SLC7A1: variants seen among roughly 807,000 people sequenced by gnomAD.
The protein encoded by SLC7A1 is solute carrier family 7 member 1, also known as high affinity cationic amino acid transporter 1.
Under a neutral mutation model 53.9 loss-of-function variants are expected in SLC7A1, and 10 were observed. That is an observed-to-expected ratio of 0.19 (90% CI 0.11 to 0.31). The LOEUF (loss-of-function observed/expected upper bound fraction) is 0.31, where lower values mean the gene tolerates loss of function less well. Among genes scored for constraint, SLC7A1 ranks in the 10% least tolerant of loss-of-function variants. The pLI is 1.00. For missense variants in SLC7A1, 525 were observed against 827.2 expected, an observed-to-expected ratio of 0.63 and a Z score of 4.48; for synonymous variants, 342 against 338.7, an observed-to-expected ratio of 1.01 and a Z score of -0.11.
At chr13:29,569,357 C>A (rs1000965006) in intron 1 of SLC7A1, among the ~76,000 whole-genome samples, 3 of 152,194 alleles carry the variant, frequency 2.0e-5, no homozygotes, top group Non-Finnish European at 4.4e-5. Context: ...CTACTCCAGG[C>A]TGTGAACCCC....
At chr13:29,538,667 T>C (rs529662434) in intron 2 of SLC7A1, among the ~76,000 whole-genome samples, 24 of 152,368 alleles carry the variant, frequency 1.6e-4, no homozygotes, top group Non-Finnish European at 2.8e-4. Flanking sequence ...TTTTGGGGAA[T>C]TAGCCAGATT....
chr13:29,584,994 T>A (rs1008755303), intron 1 of SLC7A1, among the ~76,000 whole-genome samples: 1 of 152,214 alleles, frequency 6.6e-6, no homozygotes, highest in Non-Finnish European at 1.5e-5. Flanking sequence ...TTAACAAATG[T>A]ATGGCCCATT....
At chr13:29,522,204 T>A in intron 8 of SLC7A1, 113 bp downstream of exon 8, 1 of 1,078,412 alleles carries the variant, frequency 9.3e-7, no homozygotes, top group Non-Finnish European at 1.4e-6. Context: ...AAACCAGGAG[T>A]TAAAAAGACC....
chr13:29,556,349 A>G (rs1362706468), intron 1 of SLC7A1, among the ~76,000 whole-genome samples: 1 of 152,158 alleles, frequency 6.6e-6, no homozygotes, highest in African/African-American at 2.4e-5. Context: ...AGGTAAATTA[A>G]GACATTTATT....
chr13:29,569,546 G>C (rs921154131), intron 1 of SLC7A1, among the ~76,000 whole-genome samples: 1 of 152,154 alleles, frequency 6.6e-6, no homozygotes, highest in African/African-American at 2.4e-5. Context: ...TGAGGCGGGG[G>C]CTGCAATAAT....
chr13:29,517,101 G>C, intron 11 of SLC7A1, 43 bp downstream of exon 11: 1 of 1,524,176 alleles, frequency 6.6e-7, no homozygotes, highest in South Asian at 1.3e-5. Context: ...AGGAGGGCCA[G>C]GGTCTGTGTA....
In SLC7A1 at chr13:29,516,121, G is replaced by C. The variant is rs760137877; in HGVS notation, c.1786+17C>G. The C allele has an allele frequency of 9.2e-6, 14 of 1,520,424 alleles. 1 individual carries two copies. The highest frequency in any genetic ancestry group is 1.3e-5 in the Non-Finnish European group (14 of 1,097,964). 94.2% of individuals were successfully genotyped at this position (1,520,424 alleles called of 1,614,324 possible). A position where few individuals can be genotyped will look rare whatever the true frequency, so the allele number is the denominator to read the frequency against. On this transcript the variant is annotated intron_variant, in intron 12 of 12. Transcript: ENST00000380752. Reference sequence around the variant, plus strand: ...GGAAGCCAGGATCTTGGACGTGCTGGCAGCAGCATCACATACCTATCAGCA... The same window carrying C: ...GGAAGCCAGGATCTTGGACGTGCTGCCAGCAGCATCACATACCTATCAGCA...
At chr13:29,535,451 A>G (rs973306357) in intron 3 of SLC7A1, among the ~76,000 whole-genome samples, 28 of 152,228 alleles carry the variant, frequency 1.8e-4, no homozygotes, top group East Asian at 3.9e-4. Context: ...TTATGCCTTC[A>G]TGGGATCCCT....
In SLC7A1 at chr13:29,513,422, T is replaced by TTCA. The variant is rs1471918985; in HGVS notation, c.*1055_*1057dup. ...TCATGGACTGTGGATTGATTTCAAT[T>TTCA]TCATCATGTCACAGAGAGGCCAGAC... On this transcript the variant is annotated 3_prime_UTR_variant, in exon 13 of 13. Coordinates refer to ENST00000380752, the MANE Select transcript of SLC7A1 (RefSeq NM_003045.5). 6.6e-6 allele frequency: 1 copy of TTCA among 152,644 alleles called. No individual in the cohort carries two copies. Among genetic ancestry groups the TTCA allele is most frequent in the Non-Finnish European group, 1.5e-5 (1 of 68,042 alleles). 9.5% of individuals were successfully genotyped at this position (152,644 alleles called of 1,614,324 possible). A position where few individuals can be genotyped will look rare whatever the true frequency, so the allele number is the denominator to read the frequency against.
At chr13:29,546,435 T>C (rs368138726) in intron 2 of SLC7A1, among the ~76,000 whole-genome samples, 1 of 152,194 alleles carries the variant, frequency 6.6e-6, no homozygotes, top group South Asian at 2.1e-4. Context: ...GTTAAATTAG[T>C]TTTCTTTCCC....
intron 4 of SLC7A1, 117 bp from the exon 5 acceptor site, chr13:29,530,829 G>T: frequency 1.3e-6 from 1 of 744,364 alleles, no homozygotes; most frequent in Non-Finnish European, 2.2e-6. Flanking sequence ...TCGAGCCTCT[G>T]CAGACCTCTG....
At chr13:29,520,215 C>G (rs991462108) in intron 8 of SLC7A1, among the ~76,000 whole-genome samples, 1 of 152,130 alleles carries the variant, frequency 6.6e-6, no homozygotes, top group African/African-American at 2.4e-5. Context: ...CATCCAGCTC[C>G]GGTCAGAGTG....
At chr13:29,521,622 C>T (rs934458046) in intron 8 of SLC7A1, among the ~76,000 whole-genome samples, 3 of 152,098 alleles carry the variant, frequency 2.0e-5, no homozygotes, top group Non-Finnish European at 4.4e-5. Context: ...AATGCAATCG[C>T]GAAAGGAGGA....
chr13:29,524,811 A>C (rs941663725), intron 5 of SLC7A1, among the ~76,000 whole-genome samples: 1 of 152,248 alleles, frequency 6.6e-6, no homozygotes, highest in Non-Finnish European at 1.5e-5. Flanking sequence ...GCCCGGGCAC[A>C]GCTGGGCACT....
intron 1 of SLC7A1, among the ~76,000 whole-genome samples, chr13:29,568,731 A>G (rs1164676706): frequency 6.6e-6 from 1 of 152,208 alleles, no homozygotes; most frequent in Non-Finnish European, 1.5e-5. Flanking sequence ...AAAGAGAAAG[A>G]AGAAAAAGGA....
intron 2 of SLC7A1, among the ~76,000 whole-genome samples, chr13:29,543,415 A>T (rs530873409): frequency 6.6e-6 from 1 of 151,892 alleles, no homozygotes; most frequent in African/African-American, 2.4e-5. Context: ...TGACTCAACC[A>T]GGGGTTTCAG....
intron 1 of SLC7A1, among the ~76,000 whole-genome samples, chr13:29,578,778 C>T (rs572096701): frequency 2.0e-5 from 3 of 152,350 alleles, no homozygotes; most frequent in East Asian, 1.9e-4. Flanking sequence ...CTCAATACCC[C>T]GGCTCCCTGT....
chr13:29,523,583 A>G, intron 6 of SLC7A1, 95 bp from the exon 7 acceptor site: 1 of 886,578 alleles, frequency 1.1e-6, no homozygotes, highest in Non-Finnish European at 1.8e-6. Flanking sequence ...CCCGGAACCC[A>G]CGTGACCCTA....
At chr13:29,533,235 A>C (rs1869255755) in intron 3 of SLC7A1, among the ~76,000 whole-genome samples, 1 of 151,730 alleles carries the variant, frequency 6.6e-6, no homozygotes, top group Admixed American at 6.6e-5. Context: ...TATTCTATCA[A>C]ATATATATAT....
Sources: gnomAD v4.1 joint callset for allele counts (sites outside exome capture counted in the v4.1 genomes callset) on GRCh38, gnomAD v4.1.1 for gene constraint, MANE v1.5 for transcripts, NCBI Gene and HGNC (gene_info 2026-07-23, HGNC 2026-07-21) for gene names.